RYR2: variants seen among roughly 807,000 people sequenced by gnomAD.
The protein encoded by RYR2 is ryanodine receptor 2.
Under a neutral mutation model 601.1 loss-of-function variants are expected in RYR2, and 227 were observed. That is an observed-to-expected ratio of 0.38 (90% CI 0.34 to 0.42). RYR2 has a LOEUF of 0.42. Among genes scored for constraint, RYR2 ranks in the 10% least tolerant of loss-of-function variants. RYR2 has a pLI of 1.00. For synonymous variants in RYR2, 2,223 were observed against 2,175.1 expected (o/e 1.02, Z -0.61); for missense variants, 4,646 against 6,156.5 (o/e 0.75, Z 8.21).
In RYR2 at chr1:237,569,512, G is replaced by A. The variant is rs184593184; in HGVS notation, c.3598+193G>A. Among the ~76,000 whole-genome samples, 386 of 152,214 alleles carry A rather than the reference G, an allele frequency of 2.5e-3. 1 individual carries two copies. Among genetic ancestry groups the A allele is most frequent in the African/African-American group, 8.9e-3 (371 of 41,532 alleles). ...ACATTATTAGAAATGCTATCTATAC[G>A]ACTTAGCTAGGATTTCTAGAAGGCT... On this transcript the variant is annotated intron_variant, in intron 29 of 104. Coordinates refer to ENST00000366574, the MANE Select transcript of RYR2 (RefSeq NM_001035.3).
intron 37 of RYR2, among the ~76,000 whole-genome samples, chr1:237,615,203 T>C (rs1678334992): frequency 6.6e-6 from 1 of 152,192 alleles, no homozygotes; most frequent in East Asian, 1.9e-4. Context: ...TGTTTTGTTC[T>C]TTTGAGACAG....
At chr1:237,184,602 CTTTTA>C (rs1679141846) in intron 1 of RYR2, among the ~76,000 whole-genome samples, 1 of 152,138 alleles carries the variant, frequency 6.6e-6, no homozygotes, top group Non-Finnish European at 1.5e-5. Flanking sequence ...ACATAGTCTA[CTTTTA>C]TTTAAAATTA....
chr1:237,739,572 G>C (rs1245729858), intron 79 of RYR2, among the ~76,000 whole-genome samples: 2 of 152,152 alleles, frequency 1.3e-5, no homozygotes, highest in African/African-American at 4.8e-5. Flanking sequence ...TTTCCTCCTA[G>C]TTCTCCTCCT....
chr1:237,654,788 T>C (rs1056660274), intron 52 of RYR2, among the ~76,000 whole-genome samples: 2 of 152,226 alleles, frequency 1.3e-5, no homozygotes, highest in African/African-American at 4.8e-5. Flanking sequence ...TGAAATCTTA[T>C]GTAATTGTAA....
chr1:237,374,087 G>C (rs1180155945), intron 6 of RYR2, among the ~76,000 whole-genome samples: 1 of 152,154 alleles, frequency 6.6e-6, no homozygotes. Context: ...TGCCCCTAAT[G>C]CATGCTGTTC....
intron 21 of RYR2, 87 bp from the exon 22 acceptor site, chr1:237,503,202 C>G: frequency 8.3e-7 from 1 of 1,210,478 alleles, no homozygotes; most frequent in Non-Finnish European, 1.2e-6. Context: ...TACTTTTGTA[C>G]TAACAATTTT....
At chr1:237,325,777 T>G (rs866593249) in intron 2 of RYR2, among the ~76,000 whole-genome samples, 1 of 152,160 alleles carries the variant, frequency 6.6e-6, no homozygotes, top group Admixed American at 6.5e-5. Context: ...TGAGTATAAT[T>G]AAATTTGGAA....
At chr1:237,642,564 G>C (rs1202535471) in intron 47 of RYR2, among the ~76,000 whole-genome samples, 1 of 152,162 alleles carries the variant, frequency 6.6e-6, no homozygotes, top group African/African-American at 2.4e-5. Context: ...CTAAGTGAAG[G>C]AATAGGGGAC....
chr1:237,279,726 T>C (rs1438818099), intron 2 of RYR2, among the ~76,000 whole-genome samples: 1 of 152,176 alleles, frequency 6.6e-6, no homozygotes, highest in Admixed American at 6.5e-5. Context: ...ATTGAATCAA[T>C]AGTCATGCAG....
At chr1:237,644,933 G>A (rs1016854464) in intron 48 of RYR2, among the ~76,000 whole-genome samples, 2 of 152,214 alleles carry the variant, frequency 1.3e-5, no homozygotes, top group African/African-American at 2.4e-5. Flanking sequence ...TCAGGAGGCC[G>A]AGGCAGGAGA....
At chr1:237,313,853 T>C (rs1488346132) in intron 2 of RYR2, among the ~76,000 whole-genome samples, 2 of 152,100 alleles carry the variant, frequency 1.3e-5, no homozygotes, top group Admixed American at 6.5e-5. Flanking sequence ...TATTGACTTA[T>C]TTATTTACTC....
At chr1:237,773,939 G>T (rs1002319476) in intron 87 of RYR2, among the ~76,000 whole-genome samples, 1 of 152,108 alleles carries the variant, frequency 6.6e-6, no homozygotes, top group African/African-American at 2.4e-5. Flanking sequence ...AGGAAGGAAG[G>T]GCGAGCAGGC....
chr1:237,669,391 G>A (rs1199252732), intron 58 of RYR2, among the ~76,000 whole-genome samples: 2 of 151,982 alleles, frequency 1.3e-5, no homozygotes, highest in Admixed American at 6.6e-5. Flanking sequence ...GAGCTGTTGG[G>A]TACACCTCCC....
Position 237,674,229 on chromosome 1 carries a change from C to T in RYR2, c.8714+10C>T, listed in dbSNP as rs756318483. The T allele has an allele frequency of 1.2e-6, 2 of 1,600,798 alleles. No individual in the cohort carries two copies. The highest frequency in any genetic ancestry group is 2.2e-5 in the South Asian group (2 of 90,636). On this transcript the variant is annotated intron_variant, in intron 59 of 104. Transcript: ENST00000366574. The stretch of plus-strand genomic sequence containing the variant: ...GATATGCTGTATCCAGGTAAAAGTA[C>T]ACATACCCTAAGTACACACTCTTTT...
At chr1:237,165,327 TAAC>T (rs111810130) in intron 1 of RYR2, among the ~76,000 whole-genome samples, 55 of 152,302 alleles carry the variant, frequency 3.6e-4, no homozygotes, top group African/African-American at 1.3e-3. Flanking sequence ...AAGTGTTAAT[TAAC>T]AAGTTCATGG....
chr1:237,474,042 G>A (rs1016336288), intron 17 of RYR2, among the ~76,000 whole-genome samples: 2 of 151,932 alleles, frequency 1.3e-5, no homozygotes, highest in African/African-American at 4.8e-5. Context: ...AGACGTGTGA[G>A]TAGAAACACA....
chr1:237,715,292 G>A (rs974835030), intron 71 of RYR2, among the ~76,000 whole-genome samples: 12 of 152,152 alleles, frequency 7.9e-5, no homozygotes, highest in Admixed American at 5.9e-4. Context: ...AGTTTGGGGA[G>A]GAAATAGGCA....
At chr1:237,601,765 T>A (rs1205484846) in intron 34 of RYR2, among the ~76,000 whole-genome samples, 1 of 152,092 alleles carries the variant, frequency 6.6e-6, no homozygotes, top group Non-Finnish European at 1.5e-5. Flanking sequence ...ATGGAAAAAG[T>A]TAGATTAATT....
At chr1:237,469,840 G>A (rs544553998) in intron 17 of RYR2, among the ~76,000 whole-genome samples, 2 of 152,288 alleles carry the variant, frequency 1.3e-5, no homozygotes, top group South Asian at 4.1e-4. Flanking sequence ...TTTATAGGCA[G>A]TCAACCCGAT....
Sources: gnomAD v4.1 joint callset for allele counts (sites outside exome capture counted in the v4.1 genomes callset) on GRCh38, gnomAD v4.1.1 for gene constraint, MANE v1.5 for transcripts, NCBI Gene and HGNC (gene_info 2026-07-23, HGNC 2026-07-21) for gene names.